The following EDIL3 variants were observed in gnomAD, a reference collection of about 807,000 sequenced individuals.
EDIL3 encodes EGF-like repeat and discoidin I-like domain-containing protein 3.
A neutral mutation model predicts 67.4 loss-of-function variants in EDIL3; 37 were observed. The ratio of observed to expected loss-of-function variants is 0.55; its 90% CI spans 0.42 to 0.72. EDIL3 has a LOEUF of 0.72. EDIL3 is among the 30% of genes least tolerant of loss of function. EDIL3 has a pLI of 0.00. For missense variants in EDIL3, 527 were observed against 586.3 expected (o/e 0.90, Z 1.04); for synonymous variants, 195 against 196.3 (o/e 0.99, Z 0.05).
At chr5:84,097,240 A>G (rs1165780183) in intron 6 of EDIL3, among the ~76,000 whole-genome samples, 5 of 152,200 alleles carry the variant, frequency 3.3e-5, no homozygotes, top group Non-Finnish European at 5.9e-5. Flanking sequence ...AAAAGGTAAG[A>G]GAGTTCCAAA....
chr5:84,048,800 G>A (rs1746277837), intron 9 of EDIL3, among the ~76,000 whole-genome samples: 1 of 152,014 alleles, frequency 6.6e-6, no homozygotes, highest in Non-Finnish European at 1.5e-5. Flanking sequence ...TTTAAAATAA[G>A]TTTTTAGTTA....
chr5:84,229,948 G>T, intron 2 of EDIL3, 64 bp from the exon 3 acceptor site: 2 of 1,346,280 alleles, frequency 1.5e-6, no homozygotes, highest in Non-Finnish European at 2.1e-6. Flanking sequence ...GAAGGGGGGA[G>T]AGAGAAAGAA....
At chr5:84,257,838 G>A (rs1356894003) in intron 1 of EDIL3, among the ~76,000 whole-genome samples, 1 of 152,092 alleles carries the variant, frequency 6.6e-6, no homozygotes, top group Non-Finnish European at 1.5e-5. Flanking sequence ...GAGGGGATGA[G>A]AGCAAAGAGA....
intron 1 of EDIL3, among the ~76,000 whole-genome samples, chr5:84,371,470 GAGAGAGAA>G (rs1561271760): frequency 7.0e-6 from 1 of 143,016 alleles, no homozygotes; most frequent in Non-Finnish European, 1.5e-5. Context: ...GAGAGAGAGA[GAGAGAGAA>G]AGAGAGAGAG....
intron 1 of EDIL3, among the ~76,000 whole-genome samples, chr5:84,267,496 T>C (rs145062043): frequency 6.6e-6 from 1 of 152,182 alleles, no homozygotes. Flanking sequence ...AAAAAGATGC[T>C]AGAAAGATAT....
chr5:84,307,036 A>G (rs2607362), intron 1 of EDIL3, among the ~76,000 whole-genome samples: 62,558 of 152,092 alleles, frequency 0.41, 13,105 homozygotes, highest in South Asian at 0.48. Flanking sequence ...TGTGTACAAG[A>G]TGCTAGAGAC....
chr5:84,330,985 A>C (rs1404679871), intron 1 of EDIL3, among the ~76,000 whole-genome samples: 1 of 152,238 alleles, frequency 6.6e-6, no homozygotes, highest in Non-Finnish European at 1.5e-5. Context: ...ATGGAGTCAA[A>C]GAAGATCATT....
chr5:84,010,800 C>T (rs2193957), intron 9 of EDIL3, among the ~76,000 whole-genome samples: 3 of 151,910 alleles, frequency 2.0e-5, no homozygotes, highest in Non-Finnish European at 2.9e-5. Flanking sequence ...GCAGTTCACA[C>T]GTATGTTCAA....
chr5:84,130,144 C>A (rs958214214), intron 5 of EDIL3, among the ~76,000 whole-genome samples: 1 of 152,096 alleles, frequency 6.6e-6, no homozygotes, highest in Non-Finnish European at 1.5e-5. Context: ...GGCTTTCATG[C>A]CACTTTCCTA....
intron 2 of EDIL3, among the ~76,000 whole-genome samples, chr5:84,233,252 T>C (rs1744618763): frequency 6.6e-6 from 1 of 152,170 alleles, no homozygotes; most frequent in Admixed American, 6.6e-5. Flanking sequence ...AACAGAATCT[T>C]CCTGGGTGTC....
At chr5:84,103,233 G>T (rs1282496442) in intron 6 of EDIL3, among the ~76,000 whole-genome samples, 1 of 152,042 alleles carries the variant, frequency 6.6e-6, no homozygotes, top group Non-Finnish European at 1.5e-5. Flanking sequence ...ATGGATTAAA[G>T]ACTTAAATGT....
intron 9 of EDIL3, among the ~76,000 whole-genome samples, chr5:84,055,452 A>T (rs1746425310): frequency 7.6e-6 from 1 of 131,598 alleles, no homozygotes; most frequent in Non-Finnish European, 1.6e-5. Flanking sequence ...GCCAAAATTG[A>T]CAAATGGGAT....
At chr5:84,367,627 C>T (rs775707936) in intron 1 of EDIL3, among the ~76,000 whole-genome samples, 2 of 151,914 alleles carry the variant, frequency 1.3e-5, no homozygotes, top group Non-Finnish European at 2.9e-5. Context: ...ACCAAGAATA[C>T]AAAAAATTAG....
intron 2 of EDIL3, among the ~76,000 whole-genome samples, chr5:84,249,475 A>C (rs983581515): frequency 5.4e-5 from 8 of 149,420 alleles, no homozygotes; most frequent in Middle Eastern, 3.5e-3. Flanking sequence ...TTCTGTCTGT[A>C]TGTATGTCTG....
chr5:84,268,554 G>A (rs935021785), intron 1 of EDIL3, among the ~76,000 whole-genome samples: 13 of 152,114 alleles, frequency 8.5e-5, no homozygotes, highest in African/African-American at 3.1e-4. Context: ...ATTGATATTA[G>A]TTTTTAATTC....
chr5:84,044,852 G>A (rs538360688), intron 9 of EDIL3, among the ~76,000 whole-genome samples: 1 of 152,294 alleles, frequency 6.6e-6, no homozygotes, highest in South Asian at 2.1e-4. Flanking sequence ...AGAGATGAGG[G>A]TGGGCTGCCG....
At chr5:83,979,631 A>G (rs1744934686) in intron 9 of EDIL3, among the ~76,000 whole-genome samples, 1 of 152,142 alleles carries the variant, frequency 6.6e-6, no homozygotes. Context: ...TATAAATGAG[A>G]TAATACATTG....
chr5:84,189,676 A>G (rs910748156), intron 3 of EDIL3, among the ~76,000 whole-genome samples: 1 of 151,910 alleles, frequency 6.6e-6, no homozygotes, highest in Admixed American at 6.6e-5. Context: ...CTACTTGCAT[A>G]ATGGAAATTC....
intron 10 of EDIL3, among the ~76,000 whole-genome samples, chr5:83,953,058 C>A (rs1044889673): frequency 6.6e-6 from 1 of 151,706 alleles, no homozygotes; most frequent in South Asian, 2.1e-4. Flanking sequence ...TAGGTGTGAG[C>A]GTAAGCATGT....
Sources: allele counts gnomAD v4.1 joint callset (sites outside exome capture counted in the v4.1 genomes callset), GRCh38; gene constraint gnomAD v4.1.1; transcripts MANE v1.5; gene names NCBI Gene and HGNC (gene_info 2026-07-23, HGNC 2026-07-21).